Variants in FOXN3 observed in about 807,000 individuals in gnomAD.
FOXN3 encodes the protein forkhead box N3.
A neutral mutation model predicts 38.4 loss-of-function variants in FOXN3; 7 were observed. The observed-to-expected ratio is 0.18, with a 90% CI of 0.10 to 0.34. The LOEUF (loss-of-function observed/expected upper bound fraction) is 0.34. Ranked by LOEUF, FOXN3 falls within the 10% of genes least tolerant of loss-of-function variation. The probability of loss-of-function intolerance (pLI) is 1.00; values close to 1 mark genes in which losing one functional copy is unlikely to be tolerated. For missense variants in FOXN3, 456 were observed against 613.4 expected, an observed-to-expected ratio of 0.74 and a Z score of 2.71; for synonymous variants, 230 against 242.2, an observed-to-expected ratio of 0.95 and a Z score of 0.47.
chr14:89,547,424 G>GT (rs969390631), intron 1 of FOXN3, among the ~76,000 whole-genome samples: 3 of 151,604 alleles, frequency 2.0e-5, no homozygotes, highest in South Asian at 2.1e-4. Flanking sequence ...GTGGCTAATT[G>GT]TTTTTTTGTT....
intron 1 of FOXN3, among the ~76,000 whole-genome samples, chr14:89,609,683 G>C (rs898803407): frequency 6.6e-6 from 1 of 152,092 alleles, no homozygotes; most frequent in Non-Finnish European, 1.5e-5. Context: ...GTGGCAGGGA[G>C]GGGGTCTGAG....
At chr14:89,313,288 G>C (rs991389353) in intron 3 of FOXN3, among the ~76,000 whole-genome samples, 11 of 152,154 alleles carry the variant, frequency 7.2e-5, no homozygotes, top group African/African-American at 2.7e-4. Context: ...CAAGACTGCC[G>C]GGCGCAGCGG....
At chr14:89,565,093 CAAAAAAAAAAAAAA>C (rs59821937) in intron 1 of FOXN3, among the ~76,000 whole-genome samples, 2 of 52,898 alleles carry the variant, frequency 3.8e-5, no homozygotes, top group African/African-American at 1.4e-4. Flanking sequence ...GAGCTCGTCT[CAAAAAAAAAAAAAA>C]AAAAAAAAAA....
intron 1 of FOXN3, among the ~76,000 whole-genome samples, chr14:89,443,684 C>T (rs956337670): frequency 6.6e-6 from 1 of 152,012 alleles, no homozygotes; most frequent in Non-Finnish European, 1.5e-5. Flanking sequence ...AGTAGGAGTC[C>T]CTCATGGGAC....
intron 3 of FOXN3, among the ~76,000 whole-genome samples, chr14:89,349,157 C>G (rs1489570161): frequency 2.0e-5 from 3 of 152,184 alleles, no homozygotes; most frequent in African/African-American, 7.2e-5. Context: ...CCTTCACCAA[C>G]CTTGTACATC....
intron 1 of FOXN3, among the ~76,000 whole-genome samples, chr14:89,539,385 C>T (rs898769145): frequency 3.3e-5 from 5 of 152,006 alleles, no homozygotes; most frequent in Admixed American, 2.0e-4. Context: ...GGCTAGTGTT[C>T]TGAAAAACAC....
At chr14:89,479,106 T>C (rs1020033563) in intron 1 of FOXN3, among the ~76,000 whole-genome samples, 1 of 152,054 alleles carries the variant, frequency 6.6e-6, no homozygotes, top group Non-Finnish European at 1.5e-5. Context: ...GAGCTGAAAC[T>C]GTGGCTGACA....
chr14:89,248,126 G>A (rs1219688506), intron 4 of FOXN3, among the ~76,000 whole-genome samples: 3 of 152,206 alleles, frequency 2.0e-5, no homozygotes, highest in South Asian at 2.1e-4. Flanking sequence ...TCTGTCTGGC[G>A]CTTAGCTGGA....
chr14:89,325,219 A>ACCACTACCACCACCG (rs1888018108), intron 3 of FOXN3, among the ~76,000 whole-genome samples: 1 of 143,274 alleles, frequency 7.0e-6, no homozygotes, highest in Non-Finnish European at 1.5e-5. Context: ...CACATGCACC[A>ACCACTACCACCACCG]CCACCACCAC....
intron 4 of FOXN3, among the ~76,000 whole-genome samples, chr14:89,181,201 T>TA (rs35634331): frequency 2.5e-4 from 36 of 146,246 alleles, no homozygotes; most frequent in South Asian, 6.5e-4. Flanking sequence ...ATGCCTAGGT[T>TA]AAAAAAAAAA....
chr14:89,284,602 T>C (rs150939612), intron 3 of FOXN3: 7 of 455,838 alleles, frequency 1.5e-5, no homozygotes, highest in Non-Finnish European at 3.1e-5. Flanking sequence ...GCAATCAGAC[T>C]AACCATATGT....
At chr14:89,397,305 G>A (rs1023055812) in intron 2 of FOXN3, among the ~76,000 whole-genome samples, 1 of 151,906 alleles carries the variant, frequency 6.6e-6, no homozygotes, top group Non-Finnish European at 1.5e-5. Flanking sequence ...GTGGGAGGAG[G>A]GAGAAGATCA....
intron 4 of FOXN3, among the ~76,000 whole-genome samples, chr14:89,273,591 T>A (rs1886217599): frequency 6.6e-6 from 1 of 152,186 alleles, no homozygotes; most frequent in African/African-American, 2.4e-5. Flanking sequence ...ATGGCAAAGA[T>A]CAGAATCAAC....
intron 3 of FOXN3, among the ~76,000 whole-genome samples, chr14:89,331,396 A>T (rs1402721319): frequency 6.6e-6 from 1 of 152,212 alleles, no homozygotes; most frequent in Middle Eastern, 3.2e-3. Flanking sequence ...TTCTTTTCCA[A>T]GGCTGAGTAA....
chr14:89,603,880 G>A (rs1173930409), intron 1 of FOXN3, among the ~76,000 whole-genome samples: 1 of 152,144 alleles, frequency 6.6e-6, no homozygotes, highest in African/African-American at 2.4e-5. Context: ...GGCCCACCAA[G>A]ATAGAGTGTA....
intron 1 of FOXN3, among the ~76,000 whole-genome samples, chr14:89,586,338 A>T (rs935486743): frequency 2.0e-5 from 3 of 152,210 alleles, no homozygotes; most frequent in Non-Finnish European, 2.9e-5. Context: ...TGAGGCTAAA[A>T]AGGAAAAATA....
intron 4 of FOXN3, among the ~76,000 whole-genome samples, chr14:89,276,007 T>C (rs1428157308): frequency 1.3e-5 from 2 of 152,182 alleles, no homozygotes; most frequent in African/African-American, 4.8e-5. Flanking sequence ...CCAGGCACAG[T>C]GGCTTAAGCA....
rs74078963 is a variant in FOXN3, at chr14:89,532,910, A to G, written c.-15+86118T>C. The stretch of plus-strand genomic sequence containing the variant: ...AACAAAGGTATACCTATACATATAG[A>G]TAACAAAGACCTGAGAGATACATTA... On this transcript the variant is annotated intron_variant, in intron 1 of 6. Coordinates refer to the FOXN3 transcript ENST00000345097. Among the ~76,000 whole-genome samples the G allele has an allele frequency of 7.7e-3, 1,175 of 152,366 alleles. 21 individuals carry two copies. The highest frequency in any genetic ancestry group is 0.027 in the African/African-American group (1,131 of 41,580).
intron 2 of FOXN3, among the ~76,000 whole-genome samples, chr14:89,363,958 A>ATATATATATATATAT (rs1317847539): frequency 4.7e-4 from 2 of 4,258 alleles, no homozygotes; most frequent in Non-Finnish European, 2.3e-3. Context: ...ATATATATAT[A>ATATATATATATATAT]TATATATATA....
Sources: gnomAD v4.1 joint callset for allele counts (sites outside exome capture counted in the v4.1 genomes callset) on GRCh38, gnomAD v4.1.1 for gene constraint, MANE v1.5 for transcripts, NCBI Gene and HGNC (gene_info 2026-07-23, HGNC 2026-07-21) for gene names.